SASH1: variants seen among roughly 807,000 people sequenced by gnomAD.
SASH1 encodes the protein SAM and SH3 domain-containing protein 1.
In SASH1, 44 loss-of-function variants were observed where a neutral mutation model predicts 125.2. The ratio of observed to expected loss-of-function variants is 0.35; its 90% CI spans 0.28 to 0.45. SASH1 has a LOEUF of 0.45. SASH1 is among the 20% of genes least tolerant of loss of function. The pLI, the probability that SASH1 is intolerant of heterozygous loss-of-function variation, is 1.00. For missense variants in SASH1, 1,426 were observed against 1,614.5 expected (o/e 0.88, Z 2.00); for synonymous variants, 639 against 649.1 (o/e 0.98, Z 0.24).
At chr6:148,202,306 G>C in the SASH1 span, among the ~76,000 whole-genome samples, 1 of 152,154 alleles carries the variant, frequency 6.6e-6, no homozygotes, top group Admixed American at 6.5e-5. Flanking sequence ...ACTTCCTAGT[G>C]TGCCTTTCTC....
intron 1 of SASH1, among the ~76,000 whole-genome samples, chr6:148,316,550 C>A (rs558502642): frequency 6.6e-6 from 1 of 152,340 alleles, no homozygotes; most frequent in African/African-American, 2.4e-5. Flanking sequence ...TTGGCTTGCC[C>A]AGAATGCATC....
At chr6:148,243,475 A>AATG in the SASH1 span, among the ~76,000 whole-genome samples, 8 of 144,958 alleles carry the variant, frequency 5.5e-5, no homozygotes, top group East Asian at 1.2e-3. Flanking sequence ...TAATAATAAT[A>AATG]ATAATAGTAA....
chr6:148,417,833 T>C (rs1397902728), intron 2 of SASH1, among the ~76,000 whole-genome samples: 10 of 152,150 alleles, frequency 6.6e-5, no homozygotes. Context: ...TAGCATTAGA[T>C]AAATGTTGGC....
At chr6:148,246,852 C>T in the SASH1 span, among the ~76,000 whole-genome samples, 3 of 152,316 alleles carry the variant, frequency 2.0e-5, no homozygotes, top group South Asian at 4.1e-4. Flanking sequence ...AAGAATATCA[C>T]ACACTTTTTG....
intron 1 of SASH1, among the ~76,000 whole-genome samples, chr6:148,383,691 G>C (rs1180686344): frequency 1.3e-5 from 2 of 151,996 alleles, no homozygotes; most frequent in Non-Finnish European, 2.9e-5. Flanking sequence ...AGTGACATCT[G>C]GGGAAAGAAG....
chr6:148,360,352 T>G (rs1422505714), intron 1 of SASH1, among the ~76,000 whole-genome samples: 1 of 151,342 alleles, frequency 6.6e-6, no homozygotes, highest in Non-Finnish European at 1.5e-5. Flanking sequence ...CCTTTGTTTT[T>G]TTTTTTTTTT....
chr6:148,258,319 C>T, the SASH1 span, among the ~76,000 whole-genome samples: 1 of 152,136 alleles, frequency 6.6e-6, no homozygotes, highest in Non-Finnish European at 1.5e-5. Context: ...TTTCCAGAGT[C>T]GACTTAATTT....
In SASH1 at chr6:148,400,868, A is replaced by G. The variant is rs76537255; in HGVS notation, c.285+10606A>G. 1.8e-3 allele frequency among the ~76,000 whole-genome samples: 276 copies of G among 152,304 alleles called. 3 individuals carry two copies. The highest frequency in any genetic ancestry group is 6.3e-3 in the African/African-American group (261 of 41,566). On this transcript the variant is annotated intron_variant, in intron 2 of 19. Transcript: ENST00000367467. Reference sequence around the variant, plus strand: ...GCCCCCATTCCAGCAGTATGTTTGCATTTGGGATTGTCTTTTCTTTCGGTT... The same window carrying G: ...GCCCCCATTCCAGCAGTATGTTTGCGTTTGGGATTGTCTTTTCTTTCGGTT...
chr6:148,452,288 G>A (rs1777133397), intron 4 of SASH1, among the ~76,000 whole-genome samples: 1 of 152,224 alleles, frequency 6.6e-6, no homozygotes, highest in Non-Finnish European at 1.5e-5. Context: ...CAGGTCACTG[G>A]CCAGGAGGCT....
upstream of SASH1, among the ~76,000 whole-genome samples, chr6:148,337,921 C>T (rs538092265): frequency 8.5e-5 from 13 of 152,250 alleles, no homozygotes; most frequent in East Asian, 2.3e-3. Context: ...TACTAGAAGT[C>T]TAGAAAAATC....
At chr6:148,265,129 AC>A in the SASH1 span, among the ~76,000 whole-genome samples, 172 of 152,330 alleles carry the variant, frequency 1.1e-3, no homozygotes, top group Middle Eastern at 0.017. Flanking sequence ...TAGAATTCCC[AC>A]ACAAAATGAC....
intron 1 of SASH1, among the ~76,000 whole-genome samples, chr6:148,294,694 C>T (rs1468819728): frequency 6.6e-6 from 1 of 152,116 alleles, no homozygotes; most frequent in Non-Finnish European, 1.5e-5. Context: ...GAGTTGTGAC[C>T]CTCAGCCTGT....
chr6:148,360,109 A>T (rs1426756629), intron 1 of SASH1, among the ~76,000 whole-genome samples: 1 of 151,840 alleles, frequency 6.6e-6, no homozygotes, highest in East Asian at 1.9e-4. Flanking sequence ...TTTGGTTGTC[A>T]CCTGCTTCTT....
chr6:148,299,444 A>G (rs1037588505), intron 1 of SASH1, among the ~76,000 whole-genome samples: 2 of 152,174 alleles, frequency 1.3e-5, no homozygotes, highest in South Asian at 2.1e-4. Context: ...AGGTGGGTGG[A>G]TCACTTGTGG....
At chr6:148,244,234 G>A in the SASH1 span, among the ~76,000 whole-genome samples, 2 of 152,132 alleles carry the variant, frequency 1.3e-5, no homozygotes, top group African/African-American at 2.4e-5. Context: ...GGCAGGACCC[G>A]AAAGTATGCT....
intron 1 of SASH1, among the ~76,000 whole-genome samples, chr6:148,349,516 G>C (rs967306501): frequency 6.6e-6 from 1 of 151,832 alleles, no homozygotes; most frequent in African/African-American, 2.4e-5. Flanking sequence ...TGCCTGCCTC[G>C]GCCTTCCAAA....
At chr6:148,423,226 C>T (rs2473557) in intron 2 of SASH1, among the ~76,000 whole-genome samples, 45,580 of 152,134 alleles carry the variant, frequency 0.3, 6,881 homozygotes, top group East Asian at 0.4. Flanking sequence ...CGTGAGCCAC[C>T]GCGCCCAGCC....
chr6:148,416,326 TAA>T (rs1034822746), intron 2 of SASH1, among the ~76,000 whole-genome samples: 42 of 152,276 alleles, frequency 2.8e-4, no homozygotes, highest in African/African-American at 9.6e-4. Context: ...CTTTTTTTCC[TAA>T]AGTGTCCTCT....
rs1562492282 is a variant in SASH1 at position 148,534,342 on chromosome 6, A to AGTC, written c.1944+363_1944+365dup. On this transcript the variant is annotated intron_variant, in intron 15 of 19. Transcript: ENST00000367467. ...ATCACTCCAGGCATCTACTAGCATG[A>AGTC]GTCTGCAATGAGAGATTATGTTTCC... Among the ~76,000 whole-genome samples the AGTC allele has an allele frequency of 9.2e-5, 14 of 152,336 alleles. No homozygotes were observed. The South Asian group carries it at 2.7e-3, about 29-fold the overall frequency.
Sources: allele counts gnomAD v4.1 joint callset (sites outside exome capture counted in the v4.1 genomes callset), GRCh38; gene constraint gnomAD v4.1.1; transcripts MANE v1.5; gene names NCBI Gene and HGNC (gene_info 2026-07-23, HGNC 2026-07-21).